The following RORA variants were observed in gnomAD, a reference collection of about 807,000 sequenced individuals.
RORA encodes the protein RAR related orphan receptor A.
Under a neutral mutation model 69.5 loss-of-function variants are expected in RORA, and 7 were observed. The observed-to-expected ratio is 0.10, with a 90% CI of 0.06 to 0.19. The LOEUF is 0.19. RORA is among the 10% of genes least tolerant of loss of function. The pLI is 1.00. For synonymous variants in RORA, 261 were observed against 240.8 expected, an observed-to-expected ratio of 1.08 and a Z score of -0.78; for missense variants, 457 against 663.0, an observed-to-expected ratio of 0.69 and a Z score of 3.41.
At chr15:60,857,827 A>G (rs117048111) in intron 1 of RORA, among the ~76,000 whole-genome samples, 1,862 of 152,352 alleles carry the variant, frequency 0.012, 23 homozygotes, top group Middle Eastern at 0.048. Context: ...ATAGGATCCC[A>G]GGATATTAGA....
At chr15:61,074,955 T>G (rs2078426545) in intron 1 of RORA, among the ~76,000 whole-genome samples, 1 of 151,660 alleles carries the variant, frequency 6.6e-6, no homozygotes, top group Non-Finnish European at 1.5e-5. Flanking sequence ...GGTGTGGTGG[T>G]GCACACCTGT....
intron 2 of RORA, among the ~76,000 whole-genome samples, chr15:60,591,205 T>C (rs556351549): frequency 6.6e-6 from 1 of 152,160 alleles, no homozygotes; most frequent in South Asian, 2.1e-4. Flanking sequence ...CGCAAACAGA[T>C]GGGGCTCTAA....
intron 1 of RORA, among the ~76,000 whole-genome samples, chr15:60,925,093 TAATAAAATAAAATAAAATAAAATAA>T (rs59752102): frequency 5.6e-4 from 78 of 140,062 alleles, no homozygotes; most frequent in African/African-American, 1.7e-3. Flanking sequence ...ATAAATAAAT[TAATAAAATAAAATAAAATAAAATAA>T]AATAAAATAA....
intron 2 of RORA, among the ~76,000 whole-genome samples, chr15:60,659,470 G>A (rs945844465): frequency 3.9e-5 from 6 of 152,134 alleles, no homozygotes; most frequent in African/African-American, 1.4e-4. Context: ...AACAAGAGCA[G>A]GTAATGCTTG....
At chr15:60,815,565 G>T (rs2072797833) in intron 1 of RORA, among the ~76,000 whole-genome samples, 1 of 151,954 alleles carries the variant, frequency 6.6e-6, no homozygotes, top group Admixed American at 6.6e-5. Flanking sequence ...GGAAAGATAG[G>T]CACAGAGAAA....
intron 1 of RORA, among the ~76,000 whole-genome samples, chr15:60,763,008 A>T (rs1214437696): frequency 6.6e-6 from 1 of 151,332 alleles, no homozygotes; most frequent in Non-Finnish European, 1.5e-5. Flanking sequence ...CAGGGAAAAA[A>T]TAACAGGGAA....
intron 1 of RORA, among the ~76,000 whole-genome samples, chr15:61,067,058 G>A (rs575937440): frequency 6.6e-5 from 10 of 151,348 alleles, no homozygotes; most frequent in African/African-American, 2.2e-4. Flanking sequence ...GCTCTCCCAA[G>A]TTAACCATTA....
chr15:60,607,844 C>CA (rs2068987455), intron 2 of RORA, among the ~76,000 whole-genome samples: 1 of 152,108 alleles, frequency 6.6e-6, no homozygotes. Context: ...AAAGCAAGTT[C>CA]AATGGGAAAA....
intron 1 of RORA, among the ~76,000 whole-genome samples, chr15:61,053,730 G>A (rs1014810834): frequency 3.3e-5 from 5 of 151,234 alleles, no homozygotes; most frequent in Non-Finnish European, 5.9e-5. Flanking sequence ...ACAGGGAGAC[G>A]ACACAGCTGA....
intron 1 of RORA, among the ~76,000 whole-genome samples, chr15:61,060,047 AAG>A (rs1566968884): frequency 4.0e-5 from 6 of 149,260 alleles, no homozygotes; most frequent in Non-Finnish European, 8.9e-5. Flanking sequence ...GAAGAAGAAG[AAG>A]AAAGCCTTTC....
At chr15:60,907,837 C>T (rs17204635) in intron 1 of RORA, among the ~76,000 whole-genome samples, 3,213 of 152,308 alleles carry the variant, frequency 0.021, 54 homozygotes, top group Non-Finnish European at 0.031. Flanking sequence ...TATGCAAAGT[C>T]ACCAAGGTCT....
intron 1 of RORA, among the ~76,000 whole-genome samples, chr15:60,953,960 A>G (rs1393095847): frequency 4.6e-5 from 7 of 151,854 alleles, no homozygotes; most frequent in Admixed American, 3.9e-4. Context: ...CCAGAGGACT[A>G]TAAATCATGC....
intron 1 of RORA, among the ~76,000 whole-genome samples, chr15:60,965,198 C>A (rs1469796108): frequency 2.0e-5 from 3 of 152,186 alleles, no homozygotes; most frequent in Admixed American, 6.5e-5. Flanking sequence ...AGCCCATCAG[C>A]ACCAGTGGAA....
chr15:61,052,766 G>C (rs1317473200), intron 1 of RORA, among the ~76,000 whole-genome samples: 1 of 152,160 alleles, frequency 6.6e-6, no homozygotes, highest in African/African-American at 2.4e-5. Context: ...TAAGACAAAA[G>C]CAGAAAAGAG....
At chr15:60,888,926 G>A (rs2073781481) in intron 1 of RORA, among the ~76,000 whole-genome samples, 1 of 151,732 alleles carries the variant, frequency 6.6e-6, no homozygotes, top group African/African-American at 2.4e-5. Context: ...TGGGAGGGTG[G>A]GTGGGGGCAG....
At chr15:60,649,787 G>A (rs914297407) in intron 2 of RORA, among the ~76,000 whole-genome samples, 13 of 152,148 alleles carry the variant, frequency 8.5e-5, no homozygotes, top group East Asian at 5.8e-4. Flanking sequence ...AAACAGCAGT[G>A]GTAATTACCA....
At chr15:61,116,516 G>A (rs914435725) in intron 1 of RORA, among the ~76,000 whole-genome samples, 1 of 152,126 alleles carries the variant, frequency 6.6e-6, no homozygotes, top group Non-Finnish European at 1.5e-5. Flanking sequence ...CCATTCCTTT[G>A]AGGTGACTGA....
chr15:60,751,863 CT>C (rs1391686965), intron 1 of RORA, among the ~76,000 whole-genome samples: 1 of 152,146 alleles, frequency 6.6e-6, no homozygotes, highest in Non-Finnish European at 1.5e-5. Flanking sequence ...ATAGACCACT[CT>C]GTAAAACACT....
chr15:61,168,742 C>T (rs926725889), intron 1 of RORA, among the ~76,000 whole-genome samples: 3 of 152,058 alleles, frequency 2.0e-5, no homozygotes, highest in Admixed American at 2.0e-4. Context: ...GTCTGGTGGA[C>T]AGTATGCTGG....
Sources: gnomAD v4.1 joint callset for allele counts (sites outside exome capture counted in the v4.1 genomes callset) on GRCh38, gnomAD v4.1.1 for gene constraint, MANE v1.5 for transcripts, NCBI Gene and HGNC (gene_info 2026-07-23, HGNC 2026-07-21) for gene names.